Variants in PHLDA1 observed in about 807,000 individuals in gnomAD.
The protein encoded by PHLDA1 is pleckstrin homology like domain family A member 1, also known as pleckstrin homology-like domain family A member 1.
Under a neutral mutation model 33.8 loss-of-function variants are expected in PHLDA1, and 28 were observed. The observed-to-expected ratio is 0.83, with a 90% confidence interval of 0.61 to 1.14. The LOEUF is 1.14. Ranked by LOEUF, PHLDA1 falls within the 50% of genes most tolerant of loss-of-function variation. The pLI is 0.00. For synonymous variants in PHLDA1, 271 were observed against 243.6 expected, an observed-to-expected ratio of 1.11 and a Z score of -1.05; for missense variants, 595 against 548.6, an observed-to-expected ratio of 1.08 and a Z score of -0.84.
Position 76,031,329 on chromosome 12 carries a change from T to G in PHLDA1, c.413A>C (p.Tyr138Ser). 6.2e-7 allele frequency: 1 copy of G among 1,612,806 alleles called. No individual in the cohort carries two copies. Among genetic ancestry groups the G allele is most frequent in the Non-Finnish European group, 8.5e-7 (1 of 1,179,668 alleles). ...GCTACTCTCCAGCATCCTCCCAGCA[T>G]AAGAGGGGCCGCCGCTTGGCTCGGC... Residue 138 changes from tyrosine (Y) to serine (S), a missense_variant, in exon 1 of 2, where the codon TAT (tyrosine) becomes TCT (serine). Physicochemically the swap from Tyr to Ser is moderately radical, Grantham distance 144. Transcript: ENST00000266671. This position sits in a 1 kb window ranked among gnomAD's most constrained non-coding sequence, Gnocchi z 5.4.
At chr12:76,030,686 C>T (rs1355326092) in exon 1 of PHLDA1, 10 of 1,174,146 alleles carry the variant, frequency 8.5e-6, no homozygotes, top group East Asian at 2.5e-5. Flanking sequence ...GATGTGGATG[C>T]GGATACGGGT....
At chr12:76,028,924 G>C (rs2040183545) in exon 2 of PHLDA1, 1 of 152,378 alleles carries the variant, frequency 6.6e-6, no homozygotes, top group African/African-American at 2.4e-5. Context: ...CAATTTCTGA[G>C]TTTAGCTTAC....
chr12:76,027,240 T>A (rs995539230), exon 2 of PHLDA1: 2 of 152,214 alleles, frequency 1.3e-5, no homozygotes, highest in Admixed American at 6.5e-5. Context: ...CATTAAATGA[T>A]GTACATTTAT....
At position 76,031,541 on chromosome 12, in the gene PHLDA1, G is replaced by A; in HGVS notation, c.201C>T (p.Ser67=). The change falls in exon 1 of 2, where the codon TCC becomes TCT. Residue 67 remains serine, a synonymous_variant. Coordinates refer to ENST00000266671, the Ensembl canonical transcript of PHLDA1. This position sits in a 1 kb window ranked among gnomAD's most constrained non-coding sequence, Gnocchi z 5.4. ...GCGTCCTGATGCGCCACAAGGTCCC[G>A]GAGCTCCGAGCTGCCGGGCCTCTGC... The A allele has an allele frequency of 6.5e-7, 1 of 1,545,100 alleles. No individual in the cohort carries two copies. Among genetic ancestry groups the A allele is most frequent in the African/African-American group, 1.4e-5 (1 of 70,402 alleles).
exon 2 of PHLDA1, chr12:76,028,913 T>C (rs193019614): frequency 1.0e-4 from 16 of 152,740 alleles, no homozygotes; most frequent in Non-Finnish European, 2.4e-4. Flanking sequence ...CTTTTCCTTT[T>C]CAATTTCTGA....
exon 2 of PHLDA1, chr12:76,029,082 G>A (rs958139649): frequency 5.3e-5 from 8 of 152,156 alleles, no homozygotes; most frequent in Non-Finnish European, 8.8e-5. Context: ...TTTAAACAAC[G>A]AGATTTTTCA....
exon 1 of PHLDA1, chr12:76,030,746 T>C (rs1420372018): frequency 3.9e-6 from 5 of 1,277,334 alleles, no homozygotes; most frequent in Non-Finnish European, 5.6e-6. Flanking sequence ...GGGGTTGTGA[T>C]TGGGGCTGGG....
chr12:76,030,396 G>C, intron 1 of PHLDA1, 114 bp downstream of exon 1: 1 of 770,550 alleles, frequency 1.3e-6, no homozygotes, highest in Non-Finnish European at 2.1e-6. Flanking sequence ...CAGAAACTTG[G>C]TATGAGTTTT....
At chr12:76,030,476 C>G (rs1870866193) in intron 1 of PHLDA1, 34 bp downstream of exon 1, 1 of 1,555,644 alleles carries the variant, frequency 6.4e-7, no homozygotes, top group Admixed American at 1.7e-5. Context: ...CCCCCGAGAC[C>G]CACTCCTCGG....
At chr12:76,028,778 CAGA>C (rs1450838536) in exon 2 of PHLDA1, 3 of 152,626 alleles carry the variant, frequency 2.0e-5, no homozygotes, top group South Asian at 2.1e-4. Flanking sequence ...TGATTTAACA[CAGA>C]AGAAGGTTTG....
exon 1 of PHLDA1, chr12:76,030,670 G>A (rs1422937757): frequency 1.7e-6 from 2 of 1,184,664 alleles, no homozygotes; most frequent in East Asian, 2.5e-5. Context: ...TGAGAGTGTG[G>A]ATGTGGATGT....
exon 2 of PHLDA1, chr12:76,026,853 A>G (rs1470046356): frequency 6.6e-6 from 1 of 152,178 alleles, no homozygotes. Context: ...CCCAGAATTC[A>G]TTGTTCTCAG....
exon 2 of PHLDA1, chr12:76,026,618 CAA>C (rs76800071): frequency 6.6e-6 from 1 of 151,150 alleles, no homozygotes; most frequent in South Asian, 2.1e-4. Flanking sequence ...TCATTGGAGA[CAA>C]AAAAAACAAA....
exon 2 of PHLDA1, chr12:76,026,681 G>C (rs1366260250): frequency 6.6e-6 from 1 of 152,138 alleles, no homozygotes; most frequent in Non-Finnish European, 1.5e-5. Context: ...TTCTACATTA[G>C]AGAATCCCAG....
rs57875368 is a variant in PHLDA1, at chr12:76,031,157, TTGC to T, written c.582_584del (p.Gln204del). On this transcript the variant is annotated inframe_deletion, in exon 1 of 2. Transcript: ENST00000266671. The surrounding 1 kb of genome is among the most constrained non-coding windows in gnomAD (Gnocchi z 5.4). ...GTTGTTGCTGCTGCTGCTGCTGCTG[TTGC>T]TGCTGCTGCTGCTGGTGTTGCAGCT... is the stretch of plus-strand genomic sequence containing the variant. 0.99 allele frequency: 1,576,181 copies of T among 1,591,760 alleles called. 780,302 individuals carry two copies. Among genetic ancestry groups the T allele is most frequent in the Admixed American group, 0.99 (59,021 of 59,456 alleles).
chr12:76,031,680 C>A lies in PHLDA1; in HGVS notation c.62G>T (p.Arg21Leu), dbSNP rs780509390. Residue 21 changes from arginine (R) to leucine (L), a missense_variant, in exon 1 of 2, where the codon CGC becomes CTC. Physicochemically the swap from Arg to Leu is moderately radical, Grantham distance 102. Coordinates refer to ENST00000266671, the Ensembl canonical transcript of PHLDA1. This position sits in a 1 kb window ranked among gnomAD's most constrained non-coding sequence, Gnocchi z 5.4. ...ACCCAGCGGAAAAGGCGGCTCCTGG[C>A]GCCCGCACCGCGGGGGAAAGCCCAG... 1.4e-5 allele frequency: 20 copies of A among 1,471,286 alleles called. No homozygotes were observed. Among genetic ancestry groups the A allele is most frequent in the Admixed American group, 7.6e-5 (3 of 39,508 alleles). 91.1% of individuals were successfully genotyped at this position (1,471,286 alleles called of 1,614,324 possible). A position where few individuals can be genotyped will look rare whatever the true frequency, so the allele number is the denominator to read the frequency against.
exon 1 of PHLDA1, chr12:76,030,873 A>C (rs1178291938): frequency 6.2e-7 from 1 of 1,611,052 alleles, no homozygotes; most frequent in South Asian, 1.1e-5. Flanking sequence ...TTTGACCGCC[A>C]GGATGGCCTG....
chr12:76,030,556 T>C, exon 1 of PHLDA1: 2 of 1,613,776 alleles, frequency 1.2e-6, no homozygotes, highest in Non-Finnish European at 1.7e-6. Flanking sequence ...TTGGAGGTGC[T>C]GCGGAGAAGC....
chr12:76,028,800 T>C (rs1031446185), exon 2 of PHLDA1: 2 of 152,660 alleles, frequency 1.3e-5, no homozygotes, highest in African/African-American at 4.8e-5. Flanking sequence ...TGTTCTACCT[T>C]TAAAAGCATA....
Sources: allele counts gnomAD v4.1 joint callset, GRCh38; gene constraint gnomAD v4.1.1; non-coding constraint Gnocchi (gnomAD v3.1); transcripts MANE v1.5; gene names NCBI Gene and HGNC (gene_info 2026-07-23, HGNC 2026-07-21).